The following MTIF3 variants were observed in gnomAD, a reference collection of about 807,000 sequenced individuals.
MTIF3 encodes translation initiation factor IF-3, mitochondrial.
MTIF3 carries 13 observed loss-of-function variants against 20.7 expected under a neutral mutation model. The observed-to-expected ratio is 0.63, with a 90% CI of 0.41 to 1.00. The LOEUF (loss-of-function observed/expected upper bound fraction) is 1.00. Ranked by LOEUF, MTIF3 falls within the 50% of genes least tolerant of loss-of-function variation. The pLI is 0.00. For missense variants in MTIF3, 295 were observed against 324.5 expected (o/e 0.91, Z 0.70); for synonymous variants, 114 against 112.5 (o/e 1.01, Z -0.08).
intron 4 of MTIF3, among the ~76,000 whole-genome samples, chr13:27,436,429 G>A (rs191185307): frequency 3.8e-4 from 58 of 151,660 alleles, no homozygotes; most frequent in African/African-American, 1.4e-3. Context: ...AAGCAAAATA[G>A]GTATTCCATA....
chr13:27,437,750 G>A (rs73438726), intron 3 of MTIF3, among the ~76,000 whole-genome samples: 3,535 of 152,216 alleles, frequency 0.023, 133 homozygotes, highest in African/African-American at 0.078. Context: ...AAATTATAGA[G>A]AAGGAACCGG....
chr13:27,447,073 A>T (rs534101155), intron 1 of MTIF3, among the ~76,000 whole-genome samples: 1 of 152,240 alleles, frequency 6.6e-6, no homozygotes, highest in East Asian at 1.9e-4. Flanking sequence ...AACGGTTAAA[A>T]GTTAACTGGT....
rs55860722 is a variant in MTIF3 at position 27,440,724 on chromosome 13, CT to C, written c.-1-276del. Reference sequence around the variant, plus strand: ...AGATTTACATAGCATTTTGGTTTCACTTTTTTTTTTTTTCTGTACACATGAT... The same window carrying C: ...AGATTTACATAGCATTTTGGTTTCACTTTTTTTTTTTTCTGTACACATGAT... On this transcript the variant is annotated intron_variant, in intron 2 of 4. Transcript: ENST00000381120. 7.4e-3 allele frequency among the ~76,000 whole-genome samples: 1,099 copies of C among 147,760 alleles called. 10 individuals are homozygous for C. The highest frequency in any genetic ancestry group is 0.017 in the African/African-American group (675 of 40,238).
chr13:27,442,151 T>G (rs539312249), intron 2 of MTIF3, among the ~76,000 whole-genome samples: 1 of 152,328 alleles, frequency 6.6e-6, no homozygotes, highest in South Asian at 2.1e-4. Context: ...TTGCCTTCCA[T>G]GCAAAACTTG....
chr13:27,443,326 C>A (rs1954063273), intron 2 of MTIF3, among the ~76,000 whole-genome samples: 1 of 151,992 alleles, frequency 6.6e-6, no homozygotes, highest in Admixed American at 6.6e-5. Context: ...AGCCCCCAAA[C>A]CAAAAAAGAA....
intron 3 of MTIF3, among the ~76,000 whole-genome samples, chr13:27,439,357 G>C (rs986490708): frequency 6.6e-6 from 1 of 152,146 alleles, no homozygotes; most frequent in South Asian, 2.1e-4. Flanking sequence ...TTAGCCGGGC[G>C]TGGTGGCGGG....
At position 27,437,154 on chromosome 13, in the gene MTIF3, T is replaced by G. The variant is rs371036892; in HGVS notation, c.580A>C (p.Lys194Gln). The change falls in exon 4 of 5, where the codon AAG becomes CAG. Residue 194 changes from lysine (K) to glutamine (Q), a missense_variant. Coordinates refer to ENST00000381120, the MANE Select transcript of MTIF3 (RefSeq NM_152912.5). ...GACACGTCTACATTTTTTCCTTTCT[T>G]TATGGTAATCTGGACTAGGTGTTTT... The part of the protein sequence containing the change: ...KKKHLVQITI[K>Q]KGKNVDVSEN... The G allele has an allele frequency of 6.2e-6, 10 of 1,614,132 alleles. No homozygotes were observed. The highest frequency in any genetic ancestry group is 8.5e-6 in the Non-Finnish European group (10 of 1,180,000).
At chr13:27,436,624 C>T (rs747101162) in intron 4 of MTIF3, among the ~76,000 whole-genome samples, 11 of 151,782 alleles carry the variant, frequency 7.2e-5, no homozygotes, top group Non-Finnish European at 1.5e-4. Context: ...TGGCAAAATA[C>T]GCTGTAATGG....
intron 1 of MTIF3, among the ~76,000 whole-genome samples, chr13:27,446,260 G>A (rs1339705570): frequency 6.6e-6 from 1 of 152,174 alleles, no homozygotes; most frequent in Non-Finnish European, 1.5e-5. Context: ...GTTTTACCAT[G>A]TTGGCCAGGC....
intron 1 of MTIF3, among the ~76,000 whole-genome samples, chr13:27,448,142 G>A (rs1362520810): frequency 1.5e-5 from 2 of 132,780 alleles, no homozygotes; most frequent in Non-Finnish European, 3.2e-5. Flanking sequence ...GATATGAGGG[G>A]TGGGTGGGTG....
Position 27,440,266 on chromosome 13 carries a change from G to T in MTIF3, c.183C>A (p.Thr61=), listed in dbSNP as rs1953957237. 2 of 1,613,948 alleles carry T rather than the reference G, an allele frequency of 1.2e-6. No homozygotes were observed. The highest frequency in any genetic ancestry group is 4.5e-5 in the East Asian group (2 of 44,878). ...HAKAFSTAED[T]QNEGKKTKKN... is the part of the protein sequence containing the mutation. Reference sequence around the variant, plus strand: ...TTTTTGTCTTTTTTCCTTCATTCTGGGTGTCTTCAGCGGTACTAAAGGCTT... The same window carrying T: ...TTTTTGTCTTTTTTCCTTCATTCTGTGTGTCTTCAGCGGTACTAAAGGCTT... Residue 61 remains threonine (T), a synonymous_variant, in exon 3 of 5, where the codon ACC becomes ACA. Coordinates refer to ENST00000381120, the MANE Select transcript of MTIF3 (RefSeq NM_152912.5).
At chr13:27,449,704 C>T (rs1466813468) in intron 1 of MTIF3, 2 of 152,246 alleles carry the variant, frequency 1.3e-5, no homozygotes, top group Non-Finnish European at 2.9e-5. Context: ...TGCTGTTCTC[C>T]ATCACTAGAC....
At chr13:27,447,705 G>A (rs932651505) in intron 1 of MTIF3, among the ~76,000 whole-genome samples, 4 of 132,962 alleles carry the variant, frequency 3.0e-5, no homozygotes, top group Non-Finnish European at 4.8e-5. Flanking sequence ...ATCCCCAAGA[G>A]GCAACTATTG....
chr13:27,445,055 AATTAAAT>A (rs1954133611), intron 2 of MTIF3, 26 bp downstream of exon 2: 1 of 152,220 alleles, frequency 6.6e-6, no homozygotes, highest in Admixed American at 6.5e-5. Flanking sequence ...GAAAATTGCT[AATTAAAT>A]AAAAAGAACT....
At chr13:27,437,574 A>G (rs753579503) in intron 3 of MTIF3, among the ~76,000 whole-genome samples, 5 of 152,232 alleles carry the variant, frequency 3.3e-5, no homozygotes, top group Non-Finnish European at 7.3e-5. Context: ...TTCATGGTGC[A>G]CTTAACATCC....
At chr13:27,446,752 A>AT (rs986667666) in intron 1 of MTIF3, among the ~76,000 whole-genome samples, 37 of 152,270 alleles carry the variant, frequency 2.4e-4, no homozygotes, top group African/African-American at 8.4e-4. Context: ...TAAAATTCTG[A>AT]TTTTTTTGTA....
At chr13:27,437,033 G>A (rs1452429151) in intron 4 of MTIF3, 83 bp downstream of exon 4, 1 of 1,447,624 alleles carries the variant, frequency 6.9e-7, no homozygotes, top group Non-Finnish European at 9.4e-7. Context: ...TTACAGGCGT[G>A]AGCCACCGCG....
chr13:27,440,443 A>G lies in MTIF3; in HGVS notation c.6T>C (p.Ala2=), dbSNP rs1217829845. ...GTGTTAACCTCTTTAGAAAAAGAGC[A>G]GCCATCCTAAGAAAGTAGTAAGAAG... M[A]ALFLKRLTLQ... is the part of the protein sequence containing the mutation. The change falls in exon 3 of 5, where the codon GCT becomes GCC. Residue 2 remains alanine (A), a synonymous_variant. Transcript: ENST00000381120. 1 of 1,593,690 alleles carries G rather than the reference A, an allele frequency of 6.3e-7. No individual in the cohort carries two copies. The highest frequency in any genetic ancestry group is 8.6e-7 in the Non-Finnish European group (1 of 1,169,276).
chr13:27,436,710 C>T (rs1953769803), intron 4 of MTIF3, among the ~76,000 whole-genome samples: 1 of 150,610 alleles, frequency 6.6e-6, no homozygotes, highest in African/African-American at 2.4e-5. Flanking sequence ...GAAGAATTAC[C>T]AGTCACTTTG....
Sources: allele counts gnomAD v4.1 joint callset (sites outside exome capture counted in the v4.1 genomes callset), GRCh38; gene constraint gnomAD v4.1.1; transcripts MANE v1.5; gene names NCBI Gene and HGNC (gene_info 2026-07-23, HGNC 2026-07-21).